COL4A1: variants seen among roughly 807,000 people sequenced by gnomAD.
COL4A1 encodes collagen type IV alpha 1 chain.
In COL4A1, 40 loss-of-function variants were observed where a neutral mutation model predicts 216.6. That is an observed-to-expected ratio of 0.18 (90% CI 0.14 to 0.24). The LOEUF (loss-of-function observed/expected upper bound fraction) is 0.24. COL4A1 is among the 10% of genes least tolerant of loss of function. The probability of loss-of-function intolerance (pLI) is 1.00; values close to 1 mark genes in which losing one functional copy is unlikely to be tolerated. For missense variants in COL4A1, 1,628 were observed against 2,196.8 expected (o/e 0.74, Z 5.18); for synonymous variants, 839 against 810.7 (o/e 1.03, Z -0.59).
Position 110,268,222 on chromosome 13 carries a change from C to A in COL4A1, c.85-25488G>T, listed in dbSNP as rs1394503057. Among the ~76,000 whole-genome samples the A allele has an allele frequency of 6.6e-6, 1 of 152,176 alleles. No homozygotes were observed. Among genetic ancestry groups the A allele is most frequent in the African/African-American group, 2.4e-5 (1 of 41,440 alleles). On this transcript the variant is annotated intron_variant, in intron 1 of 51. Transcript: ENST00000375820. The surrounding 1 kb of genome is among the most constrained non-coding windows in gnomAD (Gnocchi z 4.1). ...CCAACTGTGTCCTGCCTCAGAGCAC[C>A]GGCACTGCCAGTCCAAAACCAGGAA...
rs1167018117 is a variant in COL4A1 at position 110,207,177 on chromosome 13, C to T, written c.780+226G>A. On this transcript the variant is annotated intron_variant, in intron 13 of 51. Coordinates refer to ENST00000375820, the MANE Select transcript of COL4A1 (RefSeq NM_001845.6). The surrounding 1 kb of genome is among the most constrained non-coding windows in gnomAD (Gnocchi z 4.4). ...CAACTTGGGGCACATTTAAGAAGCC[C>T]TGATCCAGCGGGGTGAGCCTCAGAT... 2.0e-5 allele frequency among the ~76,000 whole-genome samples: 3 copies of T among 151,952 alleles called. No homozygotes were observed. Among genetic ancestry groups the T allele is most frequent in the Non-Finnish European group, 4.4e-5 (3 of 68,006 alleles).
intron 1 of COL4A1, among the ~76,000 whole-genome samples, chr13:110,285,992 C>A (rs117431941): frequency 0.023 from 3,504 of 152,250 alleles, 82 homozygotes; most frequent in South Asian, 0.074. Context: ...AATGGGACCC[C>A]GTTTAATTTT....
intron 1 of COL4A1, among the ~76,000 whole-genome samples, chr13:110,271,099 G>A (rs1485819389): frequency 6.6e-6 from 1 of 152,162 alleles, no homozygotes; most frequent in Non-Finnish European, 1.5e-5. Flanking sequence ...CAATCATCAA[G>A]CCCATTCTGA....
intron 6 of COL4A1, 142 bp from the exon 7 acceptor site, chr13:110,212,064 CTGGGTA>C (rs1879828351): frequency 4.6e-6 from 4 of 873,362 alleles, no homozygotes; most frequent in Admixed American, 3.7e-5. Context: ...AGCTGTGCTA[CTGGGTA>C]CCACTTTATG....
chr13:110,249,621 T>C (rs1434531423), intron 1 of COL4A1, among the ~76,000 whole-genome samples: 1 of 152,178 alleles, frequency 6.6e-6, no homozygotes, highest in African/African-American at 2.4e-5. Context: ...TCCAGGGACT[T>C]CGTGCCTTCT....
rs114442232 is a variant in COL4A1, at chr13:110,215,674, G to A, written c.145-1659C>T. Among the ~76,000 whole-genome samples the A allele has an allele frequency of 5.9e-3, 893 of 152,242 alleles. 7 individuals carry two copies. The highest frequency in any genetic ancestry group is 0.02 in the African/African-American group (829 of 41,524). ...TTACCATACGAATTGGGTAGATTCAGTAACCATTGTTAGCTGATTTAAAAA... is the reference window on the plus strand; with the variant it reads ...TTACCATACGAATTGGGTAGATTCAATAACCATTGTTAGCTGATTTAAAAA... On this transcript the variant is annotated intron_variant, in intron 2 of 51. Transcript: ENST00000375820.
In COL4A1 at chr13:110,186,569, G is replaced by GA. The variant is rs767124652; in HGVS notation, c.1729-17dup. On this transcript the variant is annotated splice_polypyrimidine_tract_variant and intron_variant, in intron 25 of 51. Transcript: ENST00000375820. ...CTACAGAACCCTGATGTGAGAAGAA[G>GA]AAAAAGACACCGTTATCAGAGACAC... The GA allele has an allele frequency of 6.2e-7, 1 of 1,613,750 alleles. No homozygotes were observed. The highest frequency in any genetic ancestry group is 8.5e-7 in the Non-Finnish European group (1 of 1,179,924).
chr13:110,201,323 G>A lies in COL4A1; in HGVS notation c.1084+115C>T, dbSNP rs578078818. The A allele has an allele frequency of 1.1e-3, 782 of 699,538 alleles. 3 individuals carry two copies. The highest frequency in any genetic ancestry group is 4.5e-3 in the East Asian group (159 of 35,446). The allele number at this position is 699,538 out of a possible 1,614,324, so 43.3% of individuals were successfully genotyped here. A position where few individuals can be genotyped will look rare whatever the true frequency, so the allele number is the denominator to read the frequency against. ...GGGCGGAGGAAGAGAAGGAGGGGGA[G>A]GAGGAAGGAGGAGGAGGAACAGGAG... On this transcript the variant is annotated intron_variant, in intron 19 of 51. Transcript: ENST00000375820.
chr13:110,213,332 C>G (rs1376455531), intron 4 of COL4A1, among the ~76,000 whole-genome samples: 5 of 152,052 alleles, frequency 3.3e-5, no homozygotes, highest in South Asian at 4.2e-4. Context: ...ATAAGGCTGC[C>G]CATGCACAAA....
chr13:110,166,365 T>C, intron 44 of COL4A1, 62 bp from the exon 45 acceptor site: 1 of 1,023,186 alleles, frequency 9.8e-7, no homozygotes, highest in Non-Finnish European at 1.6e-6. Flanking sequence ...AATATGTGTG[T>C]GTATATATCT....
chr13:110,306,632 C>T (rs957612436), intron 1 of COL4A1, among the ~76,000 whole-genome samples: 4 of 152,214 alleles, frequency 2.6e-5, no homozygotes, highest in African/African-American at 9.6e-5. Context: ...AGCATACCCG[C>T]GACGCGGGTT....
chr13:110,209,471 G>A (rs751861475), intron 10 of COL4A1, 44 bp from the exon 11 acceptor site: 6 of 1,413,292 alleles, frequency 4.2e-6, no homozygotes, highest in Non-Finnish European at 5.9e-6. Context: ...CAGAACTCTA[G>A]GGAGCTTTAA....
intron 2 of COL4A1, 79 bp from the exon 3 acceptor site, chr13:110,214,094 T>C: frequency 8.9e-7 from 1 of 1,118,746 alleles, no homozygotes; most frequent in Non-Finnish European, 1.4e-6. Flanking sequence ...CTGTGATGGC[T>C]ATATATATAT....
At chr13:110,216,286 C>A (rs1193388858) in intron 2 of COL4A1, among the ~76,000 whole-genome samples, 1 of 152,100 alleles carries the variant, frequency 6.6e-6, no homozygotes, top group Non-Finnish European at 1.5e-5. Context: ...CAGTGATGGC[C>A]CCAGGACACA....
intron 39 of COL4A1, 62 bp from the exon 40 acceptor site, chr13:110,174,060 C>A: frequency 3.2e-6 from 5 of 1,561,588 alleles, no homozygotes; most frequent in Non-Finnish European, 4.4e-6. Flanking sequence ...AGCTGCCATA[C>A]AAAATGGCCC....
At position 110,287,930 on chromosome 13, in the gene COL4A1, G is replaced by A. The variant is rs190011667; in HGVS notation, c.84+19014C>T. ...CATCAATTGTCTTTGGTGAGGAAAC[G>A]CTGACAACAGACCAAGAAATTGGTG... is the stretch of plus-strand genomic sequence containing the variant. On this transcript the variant is annotated intron_variant, in intron 1 of 51. Coordinates refer to ENST00000375820, the MANE Select transcript of COL4A1 (RefSeq NM_001845.6). 4.4e-3 allele frequency among the ~76,000 whole-genome samples: 670 copies of A among 152,244 alleles called. 3 individuals carry two copies. The highest frequency in any genetic ancestry group is 0.015 in the African/African-American group (620 of 41,554).
Position 110,181,321 on chromosome 13 carries a change from G to C in COL4A1, c.2164C>G (p.Pro722Ala), listed in dbSNP as rs768431573. 5 of 1,613,648 alleles carry C rather than the reference G, an allele frequency of 3.1e-6. No homozygotes were observed. In the African/African-American group the frequency reaches 6.7e-5, roughly 22 times the overall value. The change falls in exon 29 of 52, where the codon CCT becomes GCT. Residue 722 changes from proline (P) to alanine (A), a missense_variant. Pro to Ala is a conservative substitution (Grantham distance 27, BLOSUM62 -1). Coordinates refer to ENST00000375820, the MANE Select transcript of COL4A1 (RefSeq NM_001845.6). ...TGGCCCTGCACACCTGGGTTCCCAG[G>C]TAAGCCATTAAATCCCGGGCGACCT... ...TPGRPGFNGLPGNPGVQGQKG... is the reference protein window; with the variant it reads ...TPGRPGFNGLAGNPGVQGQKG...
chr13:110,188,823 T>A (rs1040374860), intron 24 of COL4A1, among the ~76,000 whole-genome samples: 3 of 152,158 alleles, frequency 2.0e-5, no homozygotes, highest in Non-Finnish European at 2.9e-5. Context: ...AGCTGAAACA[T>A]CGCAGGCTAA....
chr13:110,181,416 A>C lies in COL4A1; in HGVS notation c.2096-27T>G, dbSNP rs779360930. The C allele has an allele frequency of 4.9e-5, 76 of 1,536,466 alleles. 1 individual carries two copies. The highest frequency in any genetic ancestry group is 1.7e-4 in the Middle Eastern group (1 of 5,952). ...TGTTTTAAAGAGTCAAAAAAAAAAA[A>C]CAAACAAACAATCATTGCGATTACA... On this transcript the variant is annotated intron_variant, in intron 28 of 51. Transcript: ENST00000375820.
Sources: allele counts gnomAD v4.1 joint callset (sites outside exome capture counted in the v4.1 genomes callset), GRCh38; gene constraint gnomAD v4.1.1; non-coding constraint Gnocchi (gnomAD v3.1); transcripts MANE v1.5; gene names NCBI Gene and HGNC (gene_info 2026-07-23, HGNC 2026-07-21).